The following PJA2 variants were observed in gnomAD, a reference collection of about 807,000 sequenced individuals.
The protein encoded by PJA2 is E3 ubiquitin-protein ligase Praja-2.
A neutral mutation model predicts 69.3 loss-of-function variants in PJA2; 25 were observed. The observed-to-expected ratio is 0.36, with a 90% CI of 0.26 to 0.50. The LOEUF is 0.50. Ranked by LOEUF, PJA2 falls within the 20% of genes least tolerant of loss-of-function variation. PJA2 has a pLI of 0.96. For missense variants in PJA2, 809 were observed against 830.2 expected, an observed-to-expected ratio of 0.97 and a Z score of 0.31; for synonymous variants, 308 against 277.8, an observed-to-expected ratio of 1.11 and a Z score of -1.08.
intron 1 of PJA2, among the ~76,000 whole-genome samples, chr5:109,403,417 A>C (rs1167171992): frequency 6.6e-6 from 1 of 152,120 alleles, no homozygotes; most frequent in Non-Finnish European, 1.5e-5. Flanking sequence ...GGACCAGAAG[A>C]GTTCACATGC....
At chr5:109,370,098 T>C (rs1762652452) in intron 4 of PJA2, among the ~76,000 whole-genome samples, 1 of 151,430 alleles carries the variant, frequency 6.6e-6, no homozygotes, top group African/African-American at 2.4e-5. Flanking sequence ...GCCAACTTGG[T>C]TACAATTAAC....
At chr5:109,409,358 G>T (rs1280256473) in intron 1 of PJA2, 1 of 152,392 alleles carries the variant, frequency 6.6e-6, no homozygotes, top group Non-Finnish European at 1.5e-5. Flanking sequence ...CTCCTCGGGG[G>T]AGGGGTGCTG....
intron 7 of PJA2, among the ~76,000 whole-genome samples, chr5:109,352,775 T>C (rs1762276666): frequency 1.3e-5 from 2 of 151,522 alleles, no homozygotes; most frequent in African/African-American, 4.8e-5. Context: ...AGATATCTAA[T>C]ATCTATAGAT....
intron 1 of PJA2, among the ~76,000 whole-genome samples, chr5:109,384,877 G>T (rs1002998808): frequency 5.3e-5 from 8 of 152,262 alleles, no homozygotes; most frequent in African/African-American, 1.9e-4. Context: ...GAGTGCAGGG[G>T]CTTGATCTCG....
At chr5:109,393,553 T>G (rs1273027712) in intron 1 of PJA2, among the ~76,000 whole-genome samples, 1 of 151,484 alleles carries the variant, frequency 6.6e-6, no homozygotes, top group Admixed American at 6.6e-5. Context: ...GTGACTGCCC[T>G]AGCCCAGGAG....
intron 1 of PJA2, among the ~76,000 whole-genome samples, chr5:109,396,438 T>C (rs1394575812): frequency 1.4e-5 from 2 of 146,268 alleles, no homozygotes; most frequent in Non-Finnish European, 3.0e-5. Context: ...TTTTTTTTTT[T>C]TTTTTTGAGA....
intron 9 of PJA2, among the ~76,000 whole-genome samples, chr5:109,342,740 C>T (rs1408282376): frequency 5.9e-3 from 759 of 127,650 alleles, no homozygotes; most frequent in Admixed American, 0.014. Flanking sequence ...CCGCCCCGTC[C>T]GGGAGGTGAG....
chr5:109,399,540 A>G (rs566043733), intron 1 of PJA2, among the ~76,000 whole-genome samples: 2 of 152,328 alleles, frequency 1.3e-5, no homozygotes, highest in African/African-American at 4.8e-5. Flanking sequence ...CACTAAGCAC[A>G]ATGCAACCAC....
At chr5:109,394,122 A>G (rs1211019319) in intron 1 of PJA2, among the ~76,000 whole-genome samples, 1 of 135,048 alleles carries the variant, frequency 7.4e-6, no homozygotes, top group Non-Finnish European at 1.5e-5. Context: ...ATCTTGGCTC[A>G]CTGCAACATC....
chr5:109,341,747 C>T (rs1426410224), intron 9 of PJA2, among the ~76,000 whole-genome samples: 3 of 32,766 alleles, frequency 9.2e-5, no homozygotes, highest in African/African-American at 3.8e-4. Flanking sequence ...CCCCTCTGCC[C>T]GGCCAGCCGC....
At chr5:109,374,633 T>C (rs1174828406) in intron 4 of PJA2, among the ~76,000 whole-genome samples, 1 of 152,200 alleles carries the variant, frequency 6.6e-6, no homozygotes, top group Admixed American at 6.5e-5. Context: ...GTCAACTAAA[T>C]GGCTAACAAT....
intron 7 of PJA2, among the ~76,000 whole-genome samples, chr5:109,354,839 G>A (rs1229072833): frequency 6.6e-6 from 1 of 151,372 alleles, no homozygotes; most frequent in African/African-American, 2.4e-5. Flanking sequence ...TTCTGGCTGG[G>A]CATGGTGACT....
chr5:109,376,572 A>C (rs1582611361), intron 4 of PJA2, among the ~76,000 whole-genome samples: 1 of 152,070 alleles, frequency 6.6e-6, no homozygotes, highest in Non-Finnish European at 1.5e-5. Context: ...TATTTTGCCC[A>C]AAATGACAAA....
intron 4 of PJA2, among the ~76,000 whole-genome samples, chr5:109,377,123 A>G (rs1479553982): frequency 3.3e-5 from 5 of 152,140 alleles, no homozygotes; most frequent in African/African-American, 1.2e-4. Flanking sequence ...AGCAGAAATT[A>G]TATTTTAAAT....
chr5:109,360,691 T>A (rs534682121), intron 6 of PJA2, among the ~76,000 whole-genome samples: 12 of 152,230 alleles, frequency 7.9e-5, no homozygotes, highest in Non-Finnish European at 1.5e-4. Context: ...AAATGTTTTC[T>A]ATAATTTAAA....
chr5:109,379,858 A>T (rs1188508421), intron 3 of PJA2, among the ~76,000 whole-genome samples: 1 of 152,140 alleles, frequency 6.6e-6, no homozygotes, highest in African/African-American at 2.4e-5. Flanking sequence ...ACTGAAAAAC[A>T]ACAAAGAGAT....
chr5:109,362,777 T>C, intron 6 of PJA2, 63 bp downstream of exon 6: 1 of 1,424,994 alleles, frequency 7.0e-7, no homozygotes, highest in Non-Finnish European at 9.5e-7. Context: ...GATTTAATTT[T>C]CATAAATTAG....
chr5:109,342,490 C>CT (rs1762090122), intron 9 of PJA2, among the ~76,000 whole-genome samples: 1 of 127,308 alleles, frequency 7.9e-6, no homozygotes, highest in Non-Finnish European at 1.6e-5. Context: ...GTCAGCCCCC[C>CT]GCCCGGCCAG....
chr5:109,340,636 C>T, intron 9 of PJA2, among the ~76,000 whole-genome samples: 1 of 258 alleles, frequency 3.9e-3, no homozygotes, highest in Non-Finnish European at 0.016. Context: ...CTCCCCCTCC[C>T]CCTCCCCCTC....
Sources: allele counts gnomAD v4.1 joint callset (sites outside exome capture counted in the v4.1 genomes callset), GRCh38; gene constraint gnomAD v4.1.1; transcripts MANE v1.5; gene names NCBI Gene and HGNC (gene_info 2026-07-23, HGNC 2026-07-21).